Variants in MOSPD2 observed in about 807,000 individuals in gnomAD.
MOSPD2 encodes the protein motile sperm domain-containing protein 2.
MOSPD2 carries 5 observed loss-of-function variants against 41.7 expected under a neutral mutation model. The observed-to-expected ratio is 0.12, with a 90% CI of 0.06 to 0.25. MOSPD2 has a LOEUF of 0.25. MOSPD2 is among the 10% of genes least tolerant of loss of function. The pLI is 1.00. For missense variants in MOSPD2, 282 were observed against 375.2 expected, an observed-to-expected ratio of 0.75 and a Z score of 2.05; for synonymous variants, 115 against 126.9, an observed-to-expected ratio of 0.91 and a Z score of 0.63.
intron 2 of MOSPD2, among the ~76,000 whole-genome samples, chrX:14,886,530 CAT>C (rs1320629078): frequency 1.1e-4 from 12 of 107,187 alleles, no homozygotes; most frequent in African/African-American, 3.8e-4. Flanking sequence ...CACACACACA[CAT>C]GCACGCACAC....
intron 3 of MOSPD2, among the ~76,000 whole-genome samples, chrX:14,893,559 G>A (rs1227698323): frequency 2.7e-5 from 3 of 111,823 alleles, no homozygotes; most frequent in African/African-American, 9.8e-5. Context: ...AATTGAACAA[G>A]AAGAAACTGG....
chrX:14,911,307 C>T lies in MOSPD2; in HGVS notation c.773C>T (p.Pro258Leu). The T allele has an allele frequency of 3.3e-6, 4 of 1,202,093 alleles. No individual in the cohort carries two copies. The highest frequency in any genetic ancestry group is 4.5e-6 in the Non-Finnish European group (4 of 887,869). ...DFQTPLCENG[P>L]ITSEDETSSK... ...CAGACCCCACTGTGTGAGAATGGGC[C>T]TATTACCAGTGAGGATGAAACTTCA... is the stretch of plus-strand genomic sequence containing the variant. Residue 258 changes from proline to leucine, a missense_variant, in exon 9 of 15, where the codon CCT becomes CTT. Physicochemically the swap from Pro to Leu is moderately conservative, Grantham distance 98 (BLOSUM62 -3). Coordinates refer to ENST00000380492, the MANE Select transcript of MOSPD2 (RefSeq NM_152581.4).
At chrX:14,901,663 A>G (rs1223565910) in intron 6 of MOSPD2, among the ~76,000 whole-genome samples, 1 of 110,327 alleles carries the variant, frequency 9.1e-6, no homozygotes, top group Non-Finnish European at 1.9e-5. Flanking sequence ...TCTGTTCCTT[A>G]TGGATTTTTC....
At position 14,918,734 on chromosome X, in the gene MOSPD2, C is replaced by G. The variant is rs979142049; in HGVS notation, c.1371C>G (p.Asp457Glu). Residue 457 changes from aspartate (D) to glutamate (E), a missense_variant, in exon 14 of 15, where the codon GAC (aspartate) becomes GAG (glutamate). Asp to Glu is a conservative substitution (Grantham distance 45, BLOSUM62 2). Coordinates refer to ENST00000380492, the MANE Select transcript of MOSPD2 (RefSeq NM_152581.4). Reference sequence around the variant, plus strand: ...AACCAAACACTCTTACGTTAAAAGACAATGCTTTCAATATGTCAGATAAAA... The same window carrying G: ...AACCAAACACTCTTACGTTAAAAGAGAATGCTTTCAATATGTCAGATAAAA... ...SSKPNTLTLK[D>E]NAFNMSDKTS... is the part of the protein sequence containing the mutation. 1 of 1,195,431 alleles carries G rather than the reference C, an allele frequency of 8.4e-7. No homozygotes were observed. Among genetic ancestry groups the G allele is most frequent in the East Asian group, 3.0e-5 (1 of 33,677 alleles).
At chrX:14,894,108 C>G (rs1252168842) in intron 3 of MOSPD2, among the ~76,000 whole-genome samples, 1 of 110,468 alleles carries the variant, frequency 9.1e-6, no homozygotes, top group Non-Finnish European at 1.9e-5. Context: ...TTTTTGTTTT[C>G]TTTTCTTATC....
Position 14,873,445 on chromosome X carries a change from G to T in MOSPD2, c.-84G>T. 8.5e-7 allele frequency: 1 copy of T among 1,181,330 alleles called. No individual in the cohort carries two copies. Among genetic ancestry groups the T allele is most frequent in the Non-Finnish European group, 1.2e-6 (1 of 868,582 alleles). ...CACCCTTCTCTGTCTACCTCTGGGCGGGACTGCCGGGTGATGAGATACTCG... is the reference window on the plus strand; with the variant it reads ...CACCCTTCTCTGTCTACCTCTGGGCTGGACTGCCGGGTGATGAGATACTCG... On this transcript the variant is annotated 5_prime_UTR_variant, in exon 1 of 15. Transcript: ENST00000380492.
intron 6 of MOSPD2, among the ~76,000 whole-genome samples, chrX:14,902,253 G>A (rs2092574488): frequency 9.0e-6 from 1 of 111,324 alleles, no homozygotes; most frequent in African/African-American, 3.3e-5. Context: ...GCTCAGAGAA[G>A]AGTGAAATTA....
chrX:14,888,206 GCACA>G (rs775166629), intron 2 of MOSPD2, among the ~76,000 whole-genome samples: 2,957 of 56,713 alleles, frequency 0.052, 60 homozygotes, highest in African/African-American at 0.08. Context: ...ACACACACAC[GCACA>G]CACACACACA....
rs1186980028 is a variant in MOSPD2 at position 14,921,507 on chromosome X, A to T, written c.*1698A>T. ...TTTGGCCTTAATATAATCTAATCCC[A>T]AAGTAGTTGTGTATGTTTTCTGTTC... On this transcript the variant is annotated 3_prime_UTR_variant, in exon 15 of 15. Coordinates refer to ENST00000380492, the MANE Select transcript of MOSPD2 (RefSeq NM_152581.4). 1 of 644,430 alleles carries T rather than the reference A, an allele frequency of 1.6e-6. No individual in the cohort carries two copies. The highest frequency in any genetic ancestry group is 2.3e-5 in the African/African-American group (1 of 43,099). The allele number at this position is 644,430 out of a possible 1,213,427, so 53.1% of individuals were successfully genotyped here. A position where few individuals can be genotyped will look rare whatever the true frequency, so the allele number is the denominator to read the frequency against.
At chrX:14,909,758 C>G (rs6418631) in intron 8 of MOSPD2, among the ~76,000 whole-genome samples, 1 of 111,144 alleles carries the variant, frequency 9.0e-6, no homozygotes, top group Admixed American at 9.6e-5. Flanking sequence ...TCAATCAGAA[C>G]TAGCAAGAGG....
In MOSPD2 at chrX:14,920,249, T is replaced by C; in HGVS notation, c.*440T>C. 1 of 734,785 alleles carries C rather than the reference T, an allele frequency of 1.4e-6. No homozygotes were observed. The highest frequency in any genetic ancestry group is 2.3e-5 in the African/African-American group (1 of 43,407). 60.6% of individuals were successfully genotyped at this position (734,785 alleles called of 1,213,427 possible). A position where few individuals can be genotyped will look rare whatever the true frequency, so the allele number is the denominator to read the frequency against. Reference sequence around the variant, plus strand: ...CTGACTTACTAGCTTTTCTATACTATGTATATAGAAGAACATGTATATTGA... The same window carrying C: ...CTGACTTACTAGCTTTTCTATACTACGTATATAGAAGAACATGTATATTGA... On this transcript the variant is annotated 3_prime_UTR_variant, in exon 15 of 15. Coordinates refer to ENST00000380492, the MANE Select transcript of MOSPD2 (RefSeq NM_152581.4).
chrX:14,904,785 T>C (rs1314590819), intron 7 of MOSPD2, among the ~76,000 whole-genome samples: 3 of 111,806 alleles, frequency 2.7e-5, no homozygotes, highest in Non-Finnish European at 3.8e-5. Context: ...CACCCAAGCC[T>C]CAGTGTTCAG....
intron 6 of MOSPD2, 41 bp from the exon 7 acceptor site, chrX:14,902,925 G>C (rs751355607): frequency 1.0e-6 from 1 of 998,016 alleles, no homozygotes; most frequent in South Asian, 1.9e-5. Context: ...TTATTATAGA[G>C]GTACTGATTC....
chrX:14,876,458 C>T (rs1331005604), intron 2 of MOSPD2, among the ~76,000 whole-genome samples: 1 of 112,152 alleles, frequency 8.9e-6, no homozygotes, highest in African/African-American at 3.2e-5. Context: ...GAATCCCAAG[C>T]ACATTTTTGT....
intron 14 of MOSPD2, among the ~76,000 whole-genome samples, chrX:14,919,464 A>C (rs933236287): frequency 1.8e-5 from 2 of 111,916 alleles, no homozygotes; most frequent in Non-Finnish European, 1.9e-5. Context: ...CTAGAAATTC[A>C]GACCTCTCAA....
In MOSPD2 at chrX:14,895,319, T is replaced by G; in HGVS notation, c.247T>G (p.Ser83Ala). Reference protein sequence around the residue: ...KEISVNDLNESSIPRWLLEIG... With the variant: ...KEISVNDLNEASIPRWLLEIG... ...TTACCACTTTTTAGACCTTAATGAA[T>G]CCTCCATTCCCAGATGGTTATTGGA... Residue 83 changes from serine to alanine, a missense_variant, in exon 4 of 15, where the codon TCC (serine) becomes GCC (alanine). Ser to Ala is a moderately conservative substitution (Grantham distance 99). Coordinates refer to ENST00000380492, the MANE Select transcript of MOSPD2 (RefSeq NM_152581.4). 8.6e-7 allele frequency: 1 copy of G among 1,159,594 alleles called. No individual in the cohort carries two copies. The highest frequency in any genetic ancestry group is 1.9e-5 in the South Asian group (1 of 54,034).
At chrX:14,917,859 A>G (rs1401210338) in intron 13 of MOSPD2, among the ~76,000 whole-genome samples, 1 of 111,652 alleles carries the variant, frequency 9.0e-6, no homozygotes, top group Non-Finnish European at 1.9e-5. Flanking sequence ...CTTTCTACAA[A>G]AAATCAAAAG....
chrX:14,911,442 T>A, intron 9 of MOSPD2, 29 bp downstream of exon 9: 1 of 1,074,757 alleles, frequency 9.3e-7, no homozygotes, highest in Non-Finnish European at 1.3e-6. Flanking sequence ...TGAAACTGAA[T>A]CACAAGATGT....
intron 3 of MOSPD2, among the ~76,000 whole-genome samples, chrX:14,894,990 T>C (rs1468729111): frequency 1.8e-5 from 2 of 112,023 alleles, no homozygotes; most frequent in East Asian, 5.6e-4. Context: ...TTTACTAGAA[T>C]GTTCTCTTGA....
Sources: gnomAD v4.1 joint callset for allele counts (sites outside exome capture counted in the v4.1 genomes callset) on GRCh38, gnomAD v4.1.1 for gene constraint, MANE v1.5 for transcripts, NCBI Gene and HGNC (gene_info 2026-07-23, HGNC 2026-07-21) for gene names.